The following NT5C2 variants were observed in gnomAD, a reference collection of about 807,000 sequenced individuals.
The protein encoded by NT5C2 is cytosolic purine 5'-nucleotidase.
Under a neutral mutation model 76.1 loss-of-function variants are expected in NT5C2, and 58 were observed. The observed-to-expected ratio is 0.76, with a 90% confidence interval of 0.62 to 0.95. The LOEUF (loss-of-function observed/expected upper bound fraction) is 0.95, where lower values mean the gene tolerates loss of function less well. Among genes scored for constraint, NT5C2 ranks in the 40% least tolerant of loss-of-function variants. The pLI is 0.00. For synonymous variants in NT5C2, 229 were observed against 237.4 expected (o/e 0.96, Z 0.32); for missense variants, 478 against 690.3 (o/e 0.69, Z 3.45).
intron 3 of NT5C2, among the ~76,000 whole-genome samples, chr10:103,150,418 C>T (rs561017691): frequency 6.6e-6 from 1 of 152,214 alleles, no homozygotes; most frequent in South Asian, 2.1e-4. Context: ...ATTTGTTTAT[C>T]CATTCAGTTA....
intron 4 of NT5C2, among the ~76,000 whole-genome samples, chr10:103,137,806 A>G (rs932427817): frequency 6.6e-6 from 1 of 152,214 alleles, no homozygotes; most frequent in African/African-American, 2.4e-5. Flanking sequence ...GAAAGATGTT[A>G]TAACTACTGA....
intron 3 of NT5C2, among the ~76,000 whole-genome samples, chr10:103,152,458 G>T (rs1208558556): frequency 6.6e-6 from 1 of 152,110 alleles, no homozygotes; most frequent in African/African-American, 2.4e-5. Flanking sequence ...TACATGATTA[G>T]ATTAAAATAA....
intron 1 of NT5C2, among the ~76,000 whole-genome samples, chr10:103,183,262 G>GTGATATATATATAT (rs769522226): frequency 9.7e-4 from 71 of 73,368 alleles, no homozygotes; most frequent in Non-Finnish European, 1.3e-3. Context: ...GTGTGTGTGT[G>GTGATATATATATAT]ATATATATAT....
intron 1 of NT5C2, among the ~76,000 whole-genome samples, chr10:103,189,560 C>G (rs576870242): frequency 6.7e-6 from 1 of 148,596 alleles, no homozygotes; most frequent in Middle Eastern, 3.2e-3. Context: ...GAGCCGAGAT[C>G]GCACCACTGC....
intron 4 of NT5C2, among the ~76,000 whole-genome samples, chr10:103,109,105 C>G (rs1288952767): frequency 2.6e-5 from 4 of 152,134 alleles, no homozygotes; most frequent in African/African-American, 9.7e-5. Context: ...CTGCCTCGGG[C>G]TCCCAAAGTG....
At chr10:103,105,351 T>C (rs933471971) in intron 6 of NT5C2, 1 of 908,612 alleles carries the variant, frequency 1.1e-6, no homozygotes, top group Non-Finnish European at 1.4e-6. Flanking sequence ...CATTTTTATA[T>C]ACATACCTCT....
chr10:103,174,596 GAAAAAA>G (rs879335422), intron 3 of NT5C2, among the ~76,000 whole-genome samples: 1 of 151,380 alleles, frequency 6.6e-6, no homozygotes, highest in African/African-American at 2.4e-5. Context: ...AAAAAAGAAA[GAAAAAA>G]AAATTTTTAT....
chr10:103,151,184 C>A (rs761263451), intron 3 of NT5C2, among the ~76,000 whole-genome samples: 1 of 151,774 alleles, frequency 6.6e-6, no homozygotes, highest in Non-Finnish European at 1.5e-5. Context: ...CCTCTCCTGG[C>A]CAGGCACAGT....
intron 3 of NT5C2, among the ~76,000 whole-genome samples, chr10:103,167,061 G>A (rs1454236122): frequency 6.6e-6 from 1 of 151,380 alleles, no homozygotes; most frequent in African/African-American, 2.4e-5. Flanking sequence ...TGTCACCCAG[G>A]CTGGAGTGCA....
intron 3 of NT5C2, among the ~76,000 whole-genome samples, chr10:103,169,646 A>G (rs2134477462): frequency 6.6e-6 from 1 of 152,198 alleles, no homozygotes; most frequent in South Asian, 2.1e-4. Flanking sequence ...TTTTAAAGCA[A>G]ATTCTTGCAA....
intron 14 of NT5C2, 86 bp downstream of exon 14, chr10:103,093,886 T>C (rs2134695449): frequency 4.1e-6 from 4 of 986,852 alleles, no homozygotes; most frequent in South Asian, 1.3e-5. Flanking sequence ...CTAAACAGTA[T>C]ATGTGGCACT....
At chr10:103,177,109 C>T (rs747453736) in intron 2 of NT5C2, among the ~76,000 whole-genome samples, 2 of 152,016 alleles carry the variant, frequency 1.3e-5, no homozygotes, top group Non-Finnish European at 2.9e-5. Flanking sequence ...TGATAACATA[C>T]TAAGCTCAGT....
chr10:103,173,486 G>T (rs140025915), intron 3 of NT5C2, among the ~76,000 whole-genome samples: 1 of 151,278 alleles, frequency 6.6e-6, no homozygotes, highest in Admixed American at 6.6e-5. Flanking sequence ...GCATGGTGGC[G>T]GGCACCTGTA....
chr10:103,138,299 G>A (rs1244216011), intron 4 of NT5C2, among the ~76,000 whole-genome samples: 1 of 152,124 alleles, frequency 6.6e-6, no homozygotes, highest in Non-Finnish European at 1.5e-5. Context: ...TAAGTTCTGG[G>A]ATACATATGC....
At chr10:103,189,071 T>A (rs972415970) in intron 1 of NT5C2, among the ~76,000 whole-genome samples, 1 of 151,366 alleles carries the variant, frequency 6.6e-6, no homozygotes. Flanking sequence ...AAGACTGAAA[T>A]CTGATGCCTG....
chr10:103,112,056 G>A (rs2043324195), intron 4 of NT5C2, among the ~76,000 whole-genome samples: 1 of 152,148 alleles, frequency 6.6e-6, no homozygotes, highest in Non-Finnish European at 1.5e-5. Flanking sequence ...CCCTGAGTCT[G>A]GAATACAAGC....
chr10:103,146,053 T>C (rs1360413279), intron 3 of NT5C2: 2 of 985,314 alleles, frequency 2.0e-6, no homozygotes, highest in Non-Finnish European at 2.4e-6. Flanking sequence ...GGTTGCCGTT[T>C]TGAAAAGTGT....
rs17115449 is a variant in NT5C2 at position 103,094,330 on chromosome 10, A to C, written c.921+18T>G. 8.3e-4 allele frequency: 1,192 copies of C among 1,437,412 alleles called. 11 individuals carry two copies. In the African/African-American group the frequency reaches 0.016, roughly 19 times the overall value. The allele number at this position is 1,437,412 out of a possible 1,614,324, so 89.0% of individuals were successfully genotyped here. On this transcript the variant is annotated intron_variant, in intron 13 of 18. Transcript: ENST00000404739. ...TAAGGACAATGTGCTAGCAAGACAG[A>C]TCATTCTCATGACTTACAGTATCCA...
At chr10:103,125,758 T>TCC (rs2076540813) in intron 4 of NT5C2, among the ~76,000 whole-genome samples, 1 of 152,198 alleles carries the variant, frequency 6.6e-6, no homozygotes, top group Non-Finnish European at 1.5e-5. Context: ...AATTTACCAA[T>TCC]TCTGTTTTCT....
Sources: allele counts gnomAD v4.1 joint callset (sites outside exome capture counted in the v4.1 genomes callset), GRCh38; gene constraint gnomAD v4.1.1; transcripts MANE v1.5; gene names NCBI Gene and HGNC (gene_info 2026-07-23, HGNC 2026-07-21).